TMEM184B: variants seen among roughly 807,000 people sequenced by gnomAD.
The protein encoded by TMEM184B is transmembrane protein 184B.
A neutral mutation model predicts 41.8 loss-of-function variants in TMEM184B; 17 were observed. That is an observed-to-expected ratio of 0.41 (90% confidence interval 0.28 to 0.61). The LOEUF is 0.61. Among genes scored for constraint, TMEM184B ranks in the 20% least tolerant of loss-of-function variants. TMEM184B has a pLI of 0.34. For missense variants in TMEM184B, 393 were observed against 557.8 expected (o/e 0.70, Z 2.98); for synonymous variants, 240 against 229.5 (o/e 1.05, Z -0.41).
In TMEM184B at chr22:38,222,705, C is replaced by T. The variant is rs528009989; in HGVS notation, c.983-995G>A. 2.6e-4 allele frequency: 256 copies of T among 985,644 alleles called. 1 individual carries two copies. In the African/African-American group the frequency reaches 2.8e-3, roughly 11 times the overall value. The allele number at this position is 985,644 out of a possible 1,614,324, so 61.1% of individuals were successfully genotyped here. On this transcript the variant is annotated intron_variant, in intron 8 of 8. Transcript: ENST00000361906. ...CCGGGCAAAAGCAGGGCAAGGGGGG[C>T]GGGGAGAGAAGCCAAAGAAATAGAG... is the stretch of plus-strand genomic sequence containing the variant.
Position 38,263,106 on chromosome 22 carries a change from T to C in TMEM184B, c.-59+9778A>G, listed in dbSNP as rs571018204. Among the ~76,000 whole-genome samples the C allele has an allele frequency of 1.4e-3, 218 of 152,246 alleles. 1 individual carries two copies. Among genetic ancestry groups the C allele is most frequent in the African/African-American group, 4.9e-3 (203 of 41,524 alleles). On this transcript the variant is annotated intron_variant, in intron 1 of 8. Transcript: ENST00000361906. ...TTAGTGGAGATGGGGTTTCATCATGTTGGCCAGGCTGGTCTCGAACCCCTC... is the reference window on the plus strand; with the variant it reads ...TTAGTGGAGATGGGGTTTCATCATGCTGGCCAGGCTGGTCTCGAACCCCTC...
intron 1 of TMEM184B, among the ~76,000 whole-genome samples, chr22:38,250,802 C>T (rs2092145857): frequency 6.6e-6 from 1 of 152,220 alleles, no homozygotes; most frequent in Non-Finnish European, 1.5e-5. Context: ...CGAGCCAGGG[C>T]TGGGATGTGG....
At position 38,248,766 on chromosome 22, in the gene TMEM184B, G is replaced by A. The variant is rs567795187; in HGVS notation, c.-58-747C>T. ...AACCGTGGACACACAACAGAAATTCGGGAGCTTCCTGGTGGGCCTGAACAT... is the reference window on the plus strand; with the variant it reads ...AACCGTGGACACACAACAGAAATTCAGGAGCTTCCTGGTGGGCCTGAACAT... On this transcript the variant is annotated intron_variant, in intron 1 of 8. Transcript: ENST00000361906. 4.6e-5 allele frequency among the ~76,000 whole-genome samples: 7 copies of A among 152,262 alleles called. No individual in the cohort carries two copies. The East Asian group carries it at 7.7e-4, about 17-fold the overall frequency.
chr22:38,253,446 T>C (rs2092213477), intron 1 of TMEM184B, among the ~76,000 whole-genome samples: 1 of 151,814 alleles, frequency 6.6e-6, no homozygotes, highest in African/African-American at 2.4e-5. Context: ...GGCATGTGCC[T>C]GTAATCCCCA....
Position 38,229,309 on chromosome 22 carries a change from T to C in TMEM184B, c.525+1360A>G, listed in dbSNP as rs561992388. 1.7e-4 allele frequency among the ~76,000 whole-genome samples: 26 copies of C among 152,354 alleles called. No homozygotes were observed. In the South Asian group the frequency reaches 5.4e-3, roughly 32 times the overall value. On this transcript the variant is annotated intron_variant, in intron 5 of 8. Transcript: ENST00000361906. Reference sequence around the variant, plus strand: ...GAGTGGGCGTGATCCCCTCAGACTCTGCCTCCCTGAACAGGAGGCCGTGGG... The same window carrying C: ...GAGTGGGCGTGATCCCCTCAGACTCCGCCTCCCTGAACAGGAGGCCGTGGG...
intron 1 of TMEM184B, among the ~76,000 whole-genome samples, chr22:38,260,471 A>G (rs557985773): frequency 1.3e-5 from 2 of 152,124 alleles, no homozygotes; most frequent in Admixed American, 1.3e-4. Context: ...CACCTGACAA[A>G]TGGTTCTTCC....
chr22:38,222,786 C>T (rs570766289), intron 8 of TMEM184B: 10 of 852,324 alleles, frequency 1.2e-5, no homozygotes, highest in Non-Finnish European at 1.3e-5. Context: ...CCCACCAGCA[C>T]GACACACCAC....
At chr22:38,223,589 C>G (rs747386737) in intron 8 of TMEM184B, 1 of 152,272 alleles carries the variant, frequency 6.6e-6, no homozygotes, top group Non-Finnish European at 1.5e-5. Context: ...CACCACCCAC[C>G]ACGGAGCCTG....
At chr22:38,272,856 C>T in intron 1 of TMEM184B, 28 bp downstream of exon 1, 1 of 964,066 alleles carries the variant, frequency 1.0e-6, no homozygotes, top group Non-Finnish European at 1.2e-6. Flanking sequence ...CCTTGGGGCT[C>T]CCGGGCGAGG....
At chr22:38,242,494 A>G (rs2091934657) in intron 3 of TMEM184B, among the ~76,000 whole-genome samples, 1 of 152,062 alleles carries the variant, frequency 6.6e-6, no homozygotes, top group Non-Finnish European at 1.5e-5. Context: ...AAAAAGAAAA[A>G]AAGCAAATGA....
rs578257794 is a variant in TMEM184B, at chr22:38,219,853, C to T, written c.*1616G>A. 3.0e-6 allele frequency: 3 copies of T among 985,358 alleles called. No homozygotes were observed. The highest frequency in any genetic ancestry group is 6.1e-5 in the Admixed American group (1 of 16,270). The allele number at this position is 985,358 out of a possible 1,614,324, so 61.0% of individuals were successfully genotyped here. The stretch of plus-strand genomic sequence containing the variant: ...GCTTGGGCCCAACTGCTCCGCCCCC[C>T]CAAGATGGAGGGGGAGAGCTGGCCT... On this transcript the variant is annotated 3_prime_UTR_variant, in exon 9 of 9. Coordinates refer to ENST00000361906, the MANE Select transcript of TMEM184B (RefSeq NM_012264.5).
intron 4 of TMEM184B, 56 bp downstream of exon 4, chr22:38,231,188 T>C: frequency 6.7e-7 from 1 of 1,494,190 alleles, no homozygotes; most frequent in Non-Finnish European, 9.3e-7. Flanking sequence ...CGGCTCGAGG[T>C]ACACCAGGCC....
In TMEM184B at chr22:38,221,479, T is replaced by C. The variant is rs1314458426; in HGVS notation, c.1214A>G (p.Asp405Gly). ...NEKTLLLSSD[D>G]EF ...CACTGCAGCCCGCACCTAGAATTCATCATCAGAGCTGAGCAGGAGAGTCTT... is the reference window on the plus strand; with the variant it reads ...CACTGCAGCCCGCACCTAGAATTCACCATCAGAGCTGAGCAGGAGAGTCTT... Residue 405 changes from aspartate to glycine, a missense_variant, in exon 9 of 9, where the codon GAT (aspartate) becomes GGT (glycine). Coordinates refer to ENST00000361906, the MANE Select transcript of TMEM184B (RefSeq NM_012264.5). The C allele has an allele frequency of 6.2e-7, 1 of 1,606,164 alleles. No individual in the cohort carries two copies. Among genetic ancestry groups the C allele is most frequent in the South Asian group, 1.1e-5 (1 of 90,730 alleles).
chr22:38,271,517 A>G (rs1173974230), intron 1 of TMEM184B, among the ~76,000 whole-genome samples: 1 of 152,232 alleles, frequency 6.6e-6, no homozygotes, highest in Admixed American at 6.5e-5. Context: ...GATGAACGTC[A>G]GTCATCCTTC....
intron 1 of TMEM184B, among the ~76,000 whole-genome samples, chr22:38,261,497 G>T (rs916638286): frequency 3.9e-5 from 6 of 152,128 alleles, no homozygotes; most frequent in Non-Finnish European, 1.5e-5. Context: ...CTTGGGTGGG[G>T]GTGCAGAAAT....
Position 38,219,842 on chromosome 22 carries a change from G to A in TMEM184B, c.*1627C>T. On this transcript the variant is annotated 3_prime_UTR_variant, in exon 9 of 9. Coordinates refer to ENST00000361906, the MANE Select transcript of TMEM184B (RefSeq NM_012264.5). The stretch of plus-strand genomic sequence containing the variant: ...CCTCCCGGGCAGCTTGGGCCCAACT[G>A]CTCCGCCCCCCCAAGATGGAGGGGG... 1 of 985,388 alleles carries A rather than the reference G, an allele frequency of 1.0e-6. No homozygotes were observed. Among genetic ancestry groups the A allele is most frequent in the Non-Finnish European group, 1.2e-6 (1 of 829,950 alleles). The allele number at this position is 985,388 out of a possible 1,614,324, so 61.0% of individuals were successfully genotyped here.
chr22:38,267,557 C>G (rs530710077), intron 1 of TMEM184B, among the ~76,000 whole-genome samples: 1 of 152,120 alleles, frequency 6.6e-6, no homozygotes, highest in East Asian at 1.9e-4. Flanking sequence ...CTCAGCCTCC[C>G]AAGTAGCTGG....
chr22:38,272,751 C>T, intron 1 of TMEM184B, 133 bp downstream of exon 1: 2 of 985,332 alleles, frequency 2.0e-6, no homozygotes, highest in African/African-American at 3.5e-5. Context: ...TCCGTAGTGC[C>T]CTCCCCGCCC....
chr22:38,221,058 G>A lies in TMEM184B; in HGVS notation c.*411C>T, dbSNP rs1386726549. On this transcript the variant is annotated 3_prime_UTR_variant, in exon 9 of 9. Transcript: ENST00000361906. ...GCCCAGGTCAGACAGGGTATTGCACGGTGTGTGGGGGAGCCACGGCTTGCC... is the reference window on the plus strand; with the variant it reads ...GCCCAGGTCAGACAGGGTATTGCACAGTGTGTGGGGGAGCCACGGCTTGCC... 1.1e-5 allele frequency: 11 copies of A among 1,039,642 alleles called. No homozygotes were observed. The highest frequency in any genetic ancestry group is 3.4e-5 in the African/African-American group (2 of 58,706). 64.4% of individuals were successfully genotyped at this position (1,039,642 alleles called of 1,614,324 possible).
Sources: gnomAD v4.1 joint callset for allele counts (sites outside exome capture counted in the v4.1 genomes callset) on GRCh38, gnomAD v4.1.1 for gene constraint, MANE v1.5 for transcripts, NCBI Gene and HGNC (gene_info 2026-07-23, HGNC 2026-07-21) for gene names.